The following SMIM31 variants were observed in gnomAD, a reference collection of about 807,000 sequenced individuals.
SMIM31 encodes the protein small integral membrane protein 31, also known as human epithelial cell program regulator.
At chr4:164,760,349 C>A (rs1234828713) in intron 1 of SMIM31, among the ~76,000 whole-genome samples, 7 of 151,932 alleles carry the variant, frequency 4.6e-5, no homozygotes, top group Non-Finnish European at 1.0e-4. Flanking sequence ...CAGTTAAGAC[C>A]CTATTTCATT....
At chr4:164,795,104 T>C (rs1733172347) in intron 2 of SMIM31, among the ~76,000 whole-genome samples, 2 of 152,148 alleles carry the variant, frequency 1.3e-5, no homozygotes, top group Non-Finnish European at 1.5e-5. Context: ...GGCTACATAA[T>C]TGTACAAAAT....
chr4:164,783,220 A>T (rs1732981656), intron 2 of SMIM31, among the ~76,000 whole-genome samples: 1 of 133,686 alleles, frequency 7.5e-6, no homozygotes, highest in Admixed American at 7.4e-5. Context: ...TCTGTCTCAA[A>T]AAAAAAAAAA....
chr4:164,755,130 G>C (rs1172373737), intron 1 of SMIM31, among the ~76,000 whole-genome samples: 1 of 151,572 alleles, frequency 6.6e-6, no homozygotes, highest in Non-Finnish European at 1.5e-5. Context: ...CAGTAGAAAA[G>C]TATAAGAACT....
intron 1 of SMIM31, among the ~76,000 whole-genome samples, chr4:164,755,447 T>C (rs1473744121): frequency 6.8e-6 from 1 of 146,272 alleles, no homozygotes; most frequent in Non-Finnish European, 1.5e-5. Flanking sequence ...GCCACTGCAC[T>C]CCAGCCTGGG....
intron 1 of SMIM31, among the ~76,000 whole-genome samples, chr4:164,767,903 T>A (rs1041930930): frequency 7.2e-5 from 11 of 152,140 alleles, no homozygotes; most frequent in African/African-American, 2.4e-4. Context: ...TGCGTTTATT[T>A]GTCTAGAATG....
chr4:164,796,659 C>T (rs1733199609), intron 2 of SMIM31, among the ~76,000 whole-genome samples: 1 of 152,210 alleles, frequency 6.6e-6, no homozygotes. Flanking sequence ...GTTGGCAACT[C>T]CATCTTTCCA....
At chr4:164,797,246 T>C (rs182379588) in intron 2 of SMIM31, among the ~76,000 whole-genome samples, 1 of 152,174 alleles carries the variant, frequency 6.6e-6, no homozygotes, top group Non-Finnish European at 1.5e-5. Context: ...ATATCATGCA[T>C]GCTAACATGC....
intron 2 of SMIM31, among the ~76,000 whole-genome samples, chr4:164,789,341 T>C (rs980537897): frequency 6.6e-6 from 1 of 152,134 alleles, no homozygotes; most frequent in African/African-American, 2.4e-5. Flanking sequence ...CAGTCTCTCC[T>C]TTATCTACAC....
At chr4:164,780,571 C>T (rs1732937303) in intron 2 of SMIM31, among the ~76,000 whole-genome samples, 1 of 152,326 alleles carries the variant, frequency 6.6e-6, no homozygotes, top group East Asian at 1.9e-4. Flanking sequence ...AAAATAGAAG[C>T]TGTAAAAGGA....
chr4:164,780,482 AG>A (rs1196958389), intron 2 of SMIM31, among the ~76,000 whole-genome samples: 1 of 152,242 alleles, frequency 6.6e-6, no homozygotes, highest in African/African-American at 2.4e-5. Context: ...TCCATGTAGT[AG>A]GCAGGGGCCT....
At chr4:164,785,053 GTC>G (rs1439603155) in intron 2 of SMIM31, among the ~76,000 whole-genome samples, 2 of 151,784 alleles carry the variant, frequency 1.3e-5, no homozygotes, top group African/African-American at 4.8e-5. Flanking sequence ...GCAAAACCTT[GTC>G]TCTACTAAAA....
At chr4:164,774,649 C>T (rs773871478) in intron 2 of SMIM31, among the ~76,000 whole-genome samples, 1 of 152,150 alleles carries the variant, frequency 6.6e-6, no homozygotes, top group Non-Finnish European at 1.5e-5. Context: ...GCTCCCCAAC[C>T]CACCCACATC....
intron 2 of SMIM31, among the ~76,000 whole-genome samples, chr4:164,789,837 T>A (rs984423632): frequency 6.6e-6 from 1 of 152,022 alleles, no homozygotes; most frequent in African/African-American, 2.4e-5. Flanking sequence ...TTAATGTTTC[T>A]CTCTCTGAGT....
chr4:164,787,860 G>A (rs1049657687), intron 2 of SMIM31, among the ~76,000 whole-genome samples: 1 of 152,110 alleles, frequency 6.6e-6, no homozygotes, highest in African/African-American at 2.4e-5. Context: ...ATCGCTTTCT[G>A]ATTTAGACAC....
At position 164,786,478 on chromosome 4, in the gene SMIM31, G is replaced by A. The variant is rs147134734; in HGVS notation, c.113-14613G>A. Reference sequence around the variant, plus strand: ...ATCTGAATTATTGCCAGAAACCCTAGGATTTATGGATAACAAAAATAAAAA... The same window carrying A: ...ATCTGAATTATTGCCAGAAACCCTAAGATTTATGGATAACAAAAATAAAAA... On this transcript the variant is annotated intron_variant, in intron 2 of 2. Transcript: ENST00000507311. Among the ~76,000 whole-genome samples the A allele has an allele frequency of 5.5e-3, 705 of 128,642 alleles. 4 individuals are homozygous for A. Among genetic ancestry groups the A allele is most frequent in the African/African-American group, 0.022 (668 of 30,334 alleles). 84.4% of individuals were successfully genotyped at this position (128,642 alleles called of 152,430 possible). A position where few individuals can be genotyped will look rare whatever the true frequency, so the allele number is the denominator to read the frequency against.
At chr4:164,760,203 A>G (rs1426906003) in intron 1 of SMIM31, among the ~76,000 whole-genome samples, 2 of 152,202 alleles carry the variant, frequency 1.3e-5, no homozygotes, top group African/African-American at 2.4e-5. Context: ...GGACATTTGC[A>G]AGGATACTGG....
rs185384220 is a variant in SMIM31, at chr4:164,756,299, G to T, written c.-26+1888G>T. On this transcript the variant is annotated intron_variant, in intron 1 of 2. Coordinates refer to ENST00000507311, the MANE Select transcript of SMIM31 (RefSeq NM_001352885.1). ...TAAAAAGTAATAATAGGCCGGGTGC[G>T]GTGGCTCACGCCTGTAATCCCAGCA... 2.0e-5 allele frequency among the ~76,000 whole-genome samples: 3 copies of T among 152,178 alleles called. No homozygotes were observed. In the East Asian group the frequency reaches 5.8e-4, roughly 29 times the overall value.
chr4:164,783,075 A>T (rs1732977924), intron 2 of SMIM31, among the ~76,000 whole-genome samples: 1 of 151,706 alleles, frequency 6.6e-6, no homozygotes, highest in African/African-American at 2.4e-5. Flanking sequence ...AAAATTAGCC[A>T]GGCACGTTGG....
At chr4:164,794,219 A>C in intron 2 of SMIM31, among the ~76,000 whole-genome samples, 1 of 152,080 alleles carries the variant, frequency 6.6e-6, no homozygotes, top group South Asian at 2.1e-4. Context: ...TCTACAAAAA[A>C]TTTTAAAAAT....
Sources: allele counts gnomAD v4.1 joint callset (sites outside exome capture counted in the v4.1 genomes callset), GRCh38; gene constraint gnomAD v4.1.1; transcripts MANE v1.5; gene names NCBI Gene and HGNC (gene_info 2026-07-23, HGNC 2026-07-21).